AVEN: variants seen among roughly 807,000 people sequenced by gnomAD.
The protein encoded by AVEN is apoptosis and caspase activation inhibitor.
AVEN carries 41 observed loss-of-function variants against 38.1 expected under a neutral mutation model. The ratio of observed to expected loss-of-function variants is 1.08; its 90% CI spans 0.84 to 1.40. The LOEUF is 1.40. Among genes scored for constraint, AVEN ranks in the 40% most tolerant of loss-of-function variants. The pLI is 0.00. For synonymous variants in AVEN, 206 were observed against 171.8 expected, an observed-to-expected ratio of 1.20 and a Z score of -1.56; for missense variants, 605 against 438.8, an observed-to-expected ratio of 1.38 and a Z score of -3.38.
intron 5 of AVEN, among the ~76,000 whole-genome samples, chr15:33,867,287 G>A (rs546572680): frequency 1.3e-5 from 2 of 152,286 alleles, no homozygotes; most frequent in Admixed American, 1.3e-4. Context: ...TAGCAGCTTT[G>A]GAAGCTTGGT....
intron 2 of AVEN, among the ~76,000 whole-genome samples, chr15:33,968,099 TAAAAAAA>T (rs71119906): frequency 0.069 from 1,796 of 25,904 alleles, 46 homozygotes; most frequent in African/African-American, 0.12. Context: ...TAGCAAAGCT[TAAAAAAA>T]AAAAAAAAAA....
intron 2 of AVEN, among the ~76,000 whole-genome samples, chr15:33,989,253 C>T (rs1360951051): frequency 6.6e-6 from 1 of 151,960 alleles, no homozygotes; most frequent in Non-Finnish European, 1.5e-5. Context: ...CATGACAGCC[C>T]CGTGTTAATG....
intron 2 of AVEN, among the ~76,000 whole-genome samples, chr15:33,927,957 A>G (rs978711303): frequency 6.6e-5 from 10 of 152,182 alleles, no homozygotes; most frequent in Non-Finnish European, 1.3e-4. Context: ...GCATCAGGAC[A>G]CAACAGTACA....
intron 2 of AVEN, among the ~76,000 whole-genome samples, chr15:33,977,571 A>G (rs556474381): frequency 2.6e-5 from 4 of 152,218 alleles, no homozygotes; most frequent in African/African-American, 9.6e-5. Flanking sequence ...GCTCTCCTCC[A>G]AGGACACTTT....
Position 33,948,671 on chromosome 15 carries a change from GTGTT to G in AVEN, c.445+54357_445+54360del, listed in dbSNP as rs550094118. ...ATAAAATAAGGTATGGTTTTTGAAG[GTGTT>G]TGTTTATTTGTTTTTAAGACAGAGT... On this transcript the variant is annotated intron_variant, in intron 2 of 5. Transcript: ENST00000306730. Among the ~76,000 whole-genome samples the G allele has an allele frequency of 6.3e-4, 96 of 151,930 alleles. 2 individuals are homozygous for G. The highest frequency in any genetic ancestry group is 1.7e-3 in the South Asian group (8 of 4,796).
intron 4 of AVEN, among the ~76,000 whole-genome samples, chr15:33,870,384 C>A (rs922203025): frequency 6.6e-6 from 1 of 152,164 alleles, no homozygotes; most frequent in Admixed American, 6.6e-5. Context: ...CTGACTGGGT[C>A]TTTCTCGTTT....
At chr15:33,865,614 C>CA (rs1302362707), downstream of AVEN, 1 of 161,172 alleles carries the variant, frequency 6.2e-6, no homozygotes, top group East Asian at 1.6e-4. Flanking sequence ...TCATGGTATC[C>CA]AACTTGTGAC....
At chr15:33,899,935 AGTTT>A in intron 2 of AVEN, among the ~76,000 whole-genome samples, 1 of 141,866 alleles carries the variant, frequency 7.0e-6, no homozygotes, top group East Asian at 2.0e-4. Context: ...ATCACAGTTC[AGTTT>A]TTTTTTTTTT....
chr15:33,895,537 A>G (rs1285663292), intron 2 of AVEN, among the ~76,000 whole-genome samples: 1 of 151,914 alleles, frequency 6.6e-6, no homozygotes, highest in African/African-American at 2.4e-5. Flanking sequence ...TGTTGCCCAG[A>G]GTGGTCTCGA....
chr15:33,980,404 C>T (rs1404764617), intron 2 of AVEN, among the ~76,000 whole-genome samples: 10 of 152,192 alleles, frequency 6.6e-5, no homozygotes, highest in South Asian at 2.1e-4. Flanking sequence ...GCATTACTTA[C>T]GCAAGGCTGT....
At chr15:33,932,802 G>A (rs908939501) in intron 2 of AVEN, among the ~76,000 whole-genome samples, 3 of 149,658 alleles carry the variant, frequency 2.0e-5, no homozygotes, top group Non-Finnish European at 4.5e-5. Context: ...TCCAGCCTGG[G>A]TGACAAGAGC....
intron 1 of AVEN, among the ~76,000 whole-genome samples, chr15:34,071,318 G>A (rs1287208962): frequency 6.6e-6 from 1 of 152,082 alleles, no homozygotes; most frequent in Non-Finnish European, 1.5e-5. Context: ...ACAGAGTCTC[G>A]CTCTGTCACC....
chr15:33,919,533 T>C (rs999220150), intron 2 of AVEN, among the ~76,000 whole-genome samples: 1 of 152,152 alleles, frequency 6.6e-6, no homozygotes, highest in Non-Finnish European at 1.5e-5. Context: ...ATATCTATAA[T>C]TTTATCCCCA....
upstream of AVEN, among the ~76,000 whole-genome samples, chr15:34,042,711 TA>T (rs1899523181): frequency 6.6e-6 from 1 of 152,080 alleles, no homozygotes; most frequent in Non-Finnish European, 1.5e-5. Context: ...CAACCTAAGT[TA>T]TTTTTTAAAT....
chr15:34,061,664 A>T (rs991451826), intron 5 of AVEN, among the ~76,000 whole-genome samples: 1 of 152,216 alleles, frequency 6.6e-6, no homozygotes, highest in Non-Finnish European at 1.5e-5. Context: ...TTTATAAGGA[A>T]TGTATTACTC....
At chr15:33,965,244 T>C (rs1167937456) in intron 2 of AVEN, among the ~76,000 whole-genome samples, 1 of 152,234 alleles carries the variant, frequency 6.6e-6, no homozygotes, top group African/African-American at 2.4e-5. Context: ...AACAAGAATT[T>C]AAAAGCATAT....
At chr15:33,902,980 A>G (rs1892549861) in intron 2 of AVEN, among the ~76,000 whole-genome samples, 2 of 152,158 alleles carry the variant, frequency 1.3e-5, no homozygotes, top group Non-Finnish European at 2.9e-5. Context: ...GCCACTTGTC[A>G]TTCTTTTGGC....
In AVEN at chr15:33,914,166, C is replaced by CG. The variant is rs1893027699; in HGVS notation, c.446-38172_446-38171insC. ...AATGTATAAATTTAATATAACCCCC[C>CG]CCCAATAGCTATGAGCTCTTTTACA... is the stretch of plus-strand genomic sequence containing the variant. On this transcript the variant is annotated intron_variant, in intron 2 of 5. Coordinates refer to ENST00000306730, the MANE Select transcript of AVEN (RefSeq NM_020371.3). Among the ~76,000 whole-genome samples the CG allele has an allele frequency of 2.0e-5, 3 of 151,966 alleles. No individual in the cohort carries two copies. The South Asian group carries it at 6.2e-4, about 32-fold the overall frequency.
intron 1 of AVEN, among the ~76,000 whole-genome samples, chr15:34,031,626 T>C (rs2140763745): frequency 6.6e-6 from 1 of 152,352 alleles, no homozygotes; most frequent in East Asian, 1.9e-4. Context: ...TGCATTCCAT[T>C]AATCTCCTAT....
Sources: allele counts gnomAD v4.1 joint callset (sites outside exome capture counted in the v4.1 genomes callset), GRCh38; gene constraint gnomAD v4.1.1; transcripts MANE v1.5; gene names NCBI Gene and HGNC (gene_info 2026-07-23, HGNC 2026-07-21).